PDE4B: variants seen among roughly 807,000 people sequenced by gnomAD.
PDE4B encodes the protein phosphodiesterase 4B, also known as 3',5'-cyclic-AMP phosphodiesterase 4B.
PDE4B carries 20 observed loss-of-function variants against 82.2 expected under a neutral mutation model. The observed-to-expected ratio is 0.24, with a 90% CI of 0.17 to 0.35. The LOEUF (loss-of-function observed/expected upper bound fraction) is 0.35, where lower values mean the gene tolerates loss of function less well. Among genes scored for constraint, PDE4B ranks in the 10% least tolerant of loss-of-function variants. The pLI is 1.00. For synonymous variants in PDE4B, 320 were observed against 318.9 expected (o/e 1.00, Z -0.04); for missense variants, 655 against 907.2 (o/e 0.72, Z 3.57).
At chr1:65,920,480 T>C (rs769774384) in intron 3 of PDE4B, among the ~76,000 whole-genome samples, 1 of 152,248 alleles carries the variant, frequency 6.6e-6, no homozygotes, top group Non-Finnish European at 1.5e-5. Context: ...TTGGGAGTTG[T>C]AGAATTGTTC....
At chr1:66,357,007 A>T (rs1662303940) in intron 9 of PDE4B, among the ~76,000 whole-genome samples, 1 of 152,200 alleles carries the variant, frequency 6.6e-6, no homozygotes, top group South Asian at 2.1e-4. Flanking sequence ...TCTGCTGAGC[A>T]TTTCAGATAT....
At chr1:65,878,931 TG>T (rs1353623039) in intron 1 of PDE4B, among the ~76,000 whole-genome samples, 1 of 152,168 alleles carries the variant, frequency 6.6e-6, no homozygotes, top group Non-Finnish European at 1.5e-5. Context: ...TGAAAACTTT[TG>T]GAACATACTT....
intron 8 of PDE4B, chr1:66,355,085 C>A (rs973117803): frequency 2.2e-6 from 1 of 463,086 alleles, no homozygotes; most frequent in Non-Finnish European, 3.7e-6. Context: ...GTGTTTTAAT[C>A]CTGTTCTTTT....
intron 3 of PDE4B, among the ~76,000 whole-genome samples, chr1:66,009,309 G>A (rs1652336259): frequency 6.6e-6 from 1 of 152,164 alleles, no homozygotes; most frequent in Non-Finnish European, 1.5e-5. Context: ...AGCTGTCGCT[G>A]TTCTGATCCA....
intron 9 of PDE4B, among the ~76,000 whole-genome samples, chr1:66,359,560 G>T (rs188101578): frequency 9.9e-5 from 15 of 152,274 alleles, no homozygotes; most frequent in Admixed American, 9.8e-4. Flanking sequence ...CTTCATTATT[G>T]CAGTGTTCCA....
intron 3 of PDE4B, among the ~76,000 whole-genome samples, chr1:66,034,639 T>C (rs1653971474): frequency 2.0e-5 from 3 of 152,184 alleles, no homozygotes; most frequent in Admixed American, 1.3e-4. Context: ...TGTAAGTGCT[T>C]TGAACTCACA....
chr1:66,069,522 A>G (rs759118059), intron 3 of PDE4B, among the ~76,000 whole-genome samples: 4 of 151,814 alleles, frequency 2.6e-5, no homozygotes, highest in Non-Finnish European at 5.9e-5. Flanking sequence ...GCATTATACT[A>G]TTTTCTAGAT....
At chr1:65,887,268 C>CTTCTTTCT (rs796069053) in intron 1 of PDE4B, among the ~76,000 whole-genome samples, 7 of 93,438 alleles carry the variant, frequency 7.5e-5, no homozygotes, top group Non-Finnish European at 1.4e-4. Flanking sequence ...TCTTTCCTTC[C>CTTCTTTCT]TTCTTTCTTT....
At chr1:66,273,604 A>G (rs1430472946) in intron 7 of PDE4B, among the ~76,000 whole-genome samples, 1 of 152,228 alleles carries the variant, frequency 6.6e-6, no homozygotes, top group Non-Finnish European at 1.5e-5. Context: ...CTGTTATTAC[A>G]CTTGTCATAC....
At chr1:65,995,983 A>G (rs1651520277) in intron 3 of PDE4B, among the ~76,000 whole-genome samples, 1 of 152,218 alleles carries the variant, frequency 6.6e-6, no homozygotes, top group African/African-American at 2.4e-5. Context: ...TCTGGCTTTA[A>G]AAACCCAAAT....
intron 7 of PDE4B, among the ~76,000 whole-genome samples, chr1:66,316,557 T>G (rs925124730): frequency 2.6e-5 from 4 of 152,240 alleles, no homozygotes; most frequent in Non-Finnish European, 4.4e-5. Context: ...GTCCTGTCTG[T>G]ATGTGTGTGT....
intron 1 of PDE4B, among the ~76,000 whole-genome samples, chr1:65,810,477 T>C (rs1645806301): frequency 6.6e-6 from 1 of 152,230 alleles, no homozygotes; most frequent in Admixed American, 6.5e-5. Context: ...TTGTTTTTTT[T>C]CTTTCACCAA....
At chr1:65,834,632 G>A (rs1387992440) in intron 1 of PDE4B, among the ~76,000 whole-genome samples, 1 of 152,146 alleles carries the variant, frequency 6.6e-6, no homozygotes, top group Non-Finnish European at 1.5e-5. Flanking sequence ...CATGAGAGAA[G>A]TATAATTTGG....
chr1:66,188,859 G>A (rs578171619), intron 3 of PDE4B, among the ~76,000 whole-genome samples: 7 of 152,296 alleles, frequency 4.6e-5, no homozygotes, highest in East Asian at 1.9e-4. Flanking sequence ...TGTTATGTGT[G>A]AATTTGATCC....
intron 3 of PDE4B, among the ~76,000 whole-genome samples, chr1:66,014,106 G>T (rs1309528543): frequency 6.6e-6 from 1 of 151,982 alleles, no homozygotes; most frequent in Non-Finnish European, 1.5e-5. Context: ...TCTGGAAAAT[G>T]TCTGTTTAAG....
intron 3 of PDE4B, among the ~76,000 whole-genome samples, chr1:65,942,402 T>A (rs1399047640): frequency 6.6e-6 from 1 of 152,064 alleles, no homozygotes; most frequent in Non-Finnish European, 1.5e-5. Context: ...TTTTCATATA[T>A]ATGCCACATT....
intron 3 of PDE4B, among the ~76,000 whole-genome samples, chr1:66,246,762 A>G (rs11586030): frequency 0.075 from 11,467 of 152,244 alleles, 652 homozygotes; most frequent in African/African-American, 0.15. Context: ...AAACCTCATG[A>G]CACTCCTCTG....
chr1:66,022,932 T>C (rs1249312206), intron 3 of PDE4B, among the ~76,000 whole-genome samples: 1 of 152,206 alleles, frequency 6.6e-6, no homozygotes, highest in Non-Finnish European at 1.5e-5. Flanking sequence ...TGAATCTGTC[T>C]GGTCCTGGAC....
chr1:66,139,735 C>CAAAAAAAAAAAAAAAA (rs10654385), intron 3 of PDE4B, among the ~76,000 whole-genome samples: 1 of 100,054 alleles, frequency 1.0e-5, no homozygotes, highest in African/African-American at 3.7e-5. Context: ...CCTCCCCCCT[C>CAAAAAAAAAAAAAAAA]AAAAAAAAAA....
Sources: gnomAD v4.1 joint callset for allele counts (sites outside exome capture counted in the v4.1 genomes callset) on GRCh38, gnomAD v4.1.1 for gene constraint, MANE v1.5 for transcripts, NCBI Gene and HGNC (gene_info 2026-07-23, HGNC 2026-07-21) for gene names.